Variants in GALNTL5 observed in about 807,000 individuals in gnomAD.
The protein encoded by GALNTL5 is polypeptide N-acetylgalactosaminyltransferase like 5.
A neutral mutation model predicts 51.0 loss-of-function variants in GALNTL5; 44 were observed. The ratio of observed to expected loss-of-function variants is 0.86; its 90% CI spans 0.68 to 1.11. GALNTL5 has a LOEUF of 1.11. Ranked by LOEUF, GALNTL5 falls within the 50% of genes least tolerant of loss-of-function variation. The pLI, the probability that GALNTL5 is intolerant of heterozygous loss-of-function variation, is 0.00. For missense variants in GALNTL5, 528 were observed against 531.8 expected, an observed-to-expected ratio of 0.99 and a Z score of 0.07; for synonymous variants, 192 against 182.8, an observed-to-expected ratio of 1.05 and a Z score of -0.41.
In GALNTL5 at chr7:152,007,896, C is replaced by T. The variant is rs768883367; in HGVS notation, c.978C>T (p.Asp326=). Residue 326 remains aspartate, a synonymous_variant, in exon 7 of 9, where the codon GAC becomes GAT. Coordinates refer to ENST00000392800, the MANE Select transcript of GALNTL5 (RefSeq NM_145292.4). The stretch of plus-strand genomic sequence containing the variant: ...ATTTTAATGAAATTGGACAGTATGA[C>T]AAGGATATGGATTTTTGGGGAAGAG... ...RHYFNEIGQY[D]KDMDFWGREN... 6.2e-7 allele frequency: 1 copy of T among 1,612,066 alleles called. No individual in the cohort carries two copies. Among genetic ancestry groups the T allele is most frequent in the Admixed American group, 1.7e-5 (1 of 59,910 alleles).
intron 3 of GALNTL5, among the ~76,000 whole-genome samples, chr7:151,974,423 C>G (rs967377551): frequency 6.6e-6 from 1 of 152,180 alleles, no homozygotes; most frequent in Non-Finnish European, 1.5e-5. Context: ...GGCCAATATT[C>G]TCCTTTAACT....
chr7:152,002,695 C>T lies in GALNTL5; in HGVS notation c.659-19C>T. ...TTTCAGCTATGTGGACTAACATTGC[C>T]CTGTTCTTGCCTCCCCAGGGGATGT... On this transcript the variant is annotated intron_variant, in intron 5 of 8. Coordinates refer to ENST00000392800, the MANE Select transcript of GALNTL5 (RefSeq NM_145292.4). The T allele has an allele frequency of 1.2e-6, 2 of 1,612,880 alleles. No individual in the cohort carries two copies. Among genetic ancestry groups the T allele is most frequent in the Non-Finnish European group, 1.7e-6 (2 of 1,179,324 alleles).
intron 2 of GALNTL5, among the ~76,000 whole-genome samples, chr7:151,968,899 C>A (rs1198772824): frequency 6.6e-6 from 1 of 152,180 alleles, no homozygotes; most frequent in African/African-American, 2.4e-5. Flanking sequence ...TTTTCATGTG[C>A]TTGATAACCA....
chr7:152,004,817 T>A (rs1190919597), intron 6 of GALNTL5, among the ~76,000 whole-genome samples: 1 of 152,164 alleles, frequency 6.6e-6, no homozygotes, highest in Non-Finnish European at 1.5e-5. Context: ...TATTCCATTG[T>A]GTATATATAC....
intron 3 of GALNTL5, among the ~76,000 whole-genome samples, chr7:151,976,075 T>A (rs1019264772): frequency 1.3e-5 from 2 of 152,206 alleles, no homozygotes; most frequent in Admixed American, 6.5e-5. Flanking sequence ...TGTGTGTCTG[T>A]TAGGTCCATT....
intron 6 of GALNTL5, among the ~76,000 whole-genome samples, chr7:152,006,518 C>T (rs1021498623): frequency 6.6e-6 from 1 of 152,162 alleles, no homozygotes; most frequent in Non-Finnish European, 1.5e-5. Flanking sequence ...ACCCCACACC[C>T]GACCCATAAG....
intron 8 of GALNTL5, 87 bp downstream of exon 8, chr7:152,014,880 C>T: frequency 7.8e-7 from 1 of 1,289,382 alleles, no homozygotes; most frequent in South Asian, 1.5e-5. Flanking sequence ...CTTTCCAGAT[C>T]CAGCGTTTGT....
chr7:152,005,045 G>A (rs909188602), intron 6 of GALNTL5, among the ~76,000 whole-genome samples: 1 of 152,140 alleles, frequency 6.6e-6, no homozygotes, highest in Admixed American at 6.5e-5. Context: ...TTTCCACAGC[G>A]GTTGTACTAA....
At chr7:152,019,367 A>C (rs776928516) in intron 8 of GALNTL5, among the ~76,000 whole-genome samples, 7 of 152,198 alleles carry the variant, frequency 4.6e-5, no homozygotes, top group African/African-American at 7.2e-5. Flanking sequence ...GGATACCGCA[A>C]TAGGTGGCTG....
At chr7:151,977,241 A>G (rs2081218033) in intron 3 of GALNTL5, among the ~76,000 whole-genome samples, 1 of 152,224 alleles carries the variant, frequency 6.6e-6, no homozygotes, top group Non-Finnish European at 1.5e-5. Flanking sequence ...GTCTAGTCAA[A>G]TTAAGAAATA....
chr7:151,975,889 G>T (rs1209293091), intron 3 of GALNTL5, among the ~76,000 whole-genome samples: 3 of 151,946 alleles, frequency 2.0e-5, no homozygotes, highest in African/African-American at 7.3e-5. Flanking sequence ...TCTGAAATTT[G>T]TCTCATTATT....
Position 152,002,738 on chromosome 7 carries a change from G to A in GALNTL5, c.683G>A (p.Ser228Asn). ...ASGDVLVFLD[S>N]HCEVNRVWLE... ...GGGGATGTTCTGGTGTTCCTGGACA[G>A]CCACTGTGAGGTGAACAGAGTATGG... Residue 228 changes from serine (S) to asparagine (N), a missense_variant, in exon 6 of 9, where the codon AGC (serine) becomes AAC (asparagine). Transcript: ENST00000392800. 1 of 1,614,152 alleles carries A rather than the reference G, an allele frequency of 6.2e-7. No individual in the cohort carries two copies. Among genetic ancestry groups the A allele is most frequent in the Non-Finnish European group, 8.5e-7 (1 of 1,180,016 alleles).
intron 3 of GALNTL5, among the ~76,000 whole-genome samples, chr7:151,982,169 T>C (rs1297214623): frequency 1.3e-5 from 2 of 152,074 alleles, no homozygotes; most frequent in Non-Finnish European, 2.9e-5. Context: ...TCCCAACACT[T>C]TGGGAGGCTG....
At chr7:151,989,167 T>G (rs1209284746) in intron 5 of GALNTL5, among the ~76,000 whole-genome samples, 1 of 152,050 alleles carries the variant, frequency 6.6e-6, no homozygotes, top group East Asian at 1.9e-4. Flanking sequence ...TCTTTTTTTT[T>G]TTTAGACAGT....
intron 5 of GALNTL5, among the ~76,000 whole-genome samples, chr7:152,001,635 T>A (rs1261183108): frequency 1.3e-5 from 2 of 152,116 alleles, no homozygotes; most frequent in East Asian, 3.9e-4. Flanking sequence ...TTGATTATTA[T>A]CACTTTGTAG....
chr7:151,997,354 C>T (rs2081512909), intron 5 of GALNTL5, among the ~76,000 whole-genome samples: 1 of 152,174 alleles, frequency 6.6e-6, no homozygotes, highest in Non-Finnish European at 1.5e-5. Context: ...CTCTCGAAGG[C>T]AGCAGAAGTA....
At chr7:151,984,493 G>C (rs1379768038) in intron 4 of GALNTL5, among the ~76,000 whole-genome samples, 1 of 152,190 alleles carries the variant, frequency 6.6e-6, no homozygotes, top group Admixed American at 6.5e-5. Context: ...GCGGGGAAGT[G>C]ACTCTAGGTG....
chr7:151,965,529 A>G (rs2081048438), intron 1 of GALNTL5, among the ~76,000 whole-genome samples: 1 of 152,206 alleles, frequency 6.6e-6, no homozygotes, highest in South Asian at 2.1e-4. Flanking sequence ...TATCAAGCTC[A>G]ATCAAATCAC....
rs1159528443 is a variant in GALNTL5 at position 151,995,347 on chromosome 7, AATTTTTTTTTT to A, written c.659-7366_659-7356del. ...AAGAAATCTACGATCAGTTGGTATG[AATTTTTTTTTT>A]TTTTTTTTTTTTTTTTTTTTTTTTT... On this transcript the variant is annotated intron_variant, in intron 5 of 8. Coordinates refer to ENST00000392800, the MANE Select transcript of GALNTL5 (RefSeq NM_145292.4). 186 of 91,044 alleles carry A rather than the reference AATTTTTTTTTT, an allele frequency of 2.0e-3. 30 individuals carry two copies. The highest frequency in any genetic ancestry group is 3.5e-3 in the Non-Finnish European group (158 of 45,348). 5.6% of individuals were successfully genotyped at this position (91,044 alleles called of 1,614,324 possible). A position where few individuals can be genotyped will look rare whatever the true frequency, so the allele number is the denominator to read the frequency against.
Sources: gnomAD v4.1 joint callset for allele counts (sites outside exome capture counted in the v4.1 genomes callset) on GRCh38, gnomAD v4.1.1 for gene constraint, MANE v1.5 for transcripts, NCBI Gene and HGNC (gene_info 2026-07-23, HGNC 2026-07-21) for gene names.